DACH1: variants seen among roughly 807,000 people sequenced by gnomAD.
DACH1 encodes dachshund homolog 1.
DACH1 carries 12 observed loss-of-function variants against 54.2 expected under a neutral mutation model. That is an observed-to-expected ratio of 0.22 (90% confidence interval 0.14 to 0.36). DACH1 has a LOEUF of 0.36. Ranked by LOEUF, DACH1 falls within the 10% of genes least tolerant of loss-of-function variation. The pLI is 1.00. For missense variants in DACH1, 805 were observed against 929.8 expected (o/e 0.87, Z 1.75); for synonymous variants, 386 against 366.2 (o/e 1.05, Z -0.62).
chr13:71,507,298 A>G (rs73521219), intron 6 of DACH1, among the ~76,000 whole-genome samples: 2,190 of 152,236 alleles, frequency 0.014, 60 homozygotes, highest in African/African-American at 0.05. Context: ...TCTAAAATCT[A>G]TTCCCCAACT....
intron 7 of DACH1, among the ~76,000 whole-genome samples, chr13:71,480,958 T>TTC (rs1311452364): frequency 6.6e-6 from 1 of 151,612 alleles, no homozygotes; most frequent in Non-Finnish European, 1.5e-5. Context: ...TCCCCACTCT[T>TTC]TTGTTTAACA....
At chr13:71,456,654 A>T (rs191284402) in intron 10 of DACH1, among the ~76,000 whole-genome samples, 197 of 152,190 alleles carry the variant, frequency 1.3e-3, no homozygotes, top group African/African-American at 4.6e-3. Flanking sequence ...TGCTGATTTT[A>T]TCTTAAAATC....
intron 10 of DACH1, among the ~76,000 whole-genome samples, chr13:71,445,452 T>C (rs191640645): frequency 4.6e-5 from 7 of 152,292 alleles, no homozygotes; most frequent in Admixed American, 3.9e-4. Context: ...TTTTGGCTAA[T>C]GTTCCTAACA....
intron 1 of DACH1, among the ~76,000 whole-genome samples, chr13:71,745,141 C>G (rs981176528): frequency 1.1e-4 from 16 of 152,104 alleles, no homozygotes; most frequent in Non-Finnish European, 2.1e-4. Flanking sequence ...TGTTTTCATT[C>G]CTTTTTTTTG....
intron 6 of DACH1, among the ~76,000 whole-genome samples, chr13:71,518,303 G>C (rs1881312679): frequency 6.6e-6 from 1 of 151,680 alleles, no homozygotes; most frequent in Non-Finnish European, 1.5e-5. Context: ...TGAGGACACA[G>C]TCATCTGGAA....
chr13:71,804,297 G>A (rs138221887), intron 1 of DACH1, among the ~76,000 whole-genome samples: 2 of 152,032 alleles, frequency 1.3e-5, no homozygotes, highest in African/African-American at 4.8e-5. Context: ...TCGGCAACAG[G>A]GTGAGACCTT....
intron 3 of DACH1, among the ~76,000 whole-genome samples, chr13:71,577,207 T>A (rs1339932632): frequency 1.3e-5 from 2 of 152,094 alleles, no homozygotes; most frequent in Non-Finnish European, 2.9e-5. Context: ...TGCTCCCTTC[T>A]CCTCAGTTCT....
intron 3 of DACH1, among the ~76,000 whole-genome samples, chr13:71,579,383 A>G (rs906696755): frequency 2.0e-5 from 3 of 152,204 alleles, no homozygotes; most frequent in African/African-American, 7.2e-5. Context: ...CTTATTTTTA[A>G]ATTTTGGCTG....
intron 2 of DACH1, among the ~76,000 whole-genome samples, chr13:71,651,221 G>A (rs1053920929): frequency 2.6e-5 from 4 of 151,904 alleles, no homozygotes; most frequent in Non-Finnish European, 5.9e-5. Context: ...GTGCATGAGG[G>A]CAGGGCACGG....
chr13:71,581,155 T>C (rs1292275056), intron 3 of DACH1, among the ~76,000 whole-genome samples: 1 of 152,096 alleles, frequency 6.6e-6, no homozygotes, highest in Non-Finnish European at 1.5e-5. Flanking sequence ...TTACATCTGG[T>C]AAGTATCATT....
At position 71,622,343 on chromosome 13, in the gene DACH1, T is replaced by C. The variant is rs562848181; in HGVS notation, c.1126+8213A>G. ...ACTACAAACACCCTAGTAAAATCTC[T>C]AAACATATATTTTTAATATCAAGAC... is the stretch of plus-strand genomic sequence containing the variant. On this transcript the variant is annotated intron_variant, in intron 3 of 10. Transcript: ENST00000613252. 7.2e-5 allele frequency among the ~76,000 whole-genome samples: 11 copies of C among 152,076 alleles called. No homozygotes were observed. In the South Asian group the frequency reaches 2.3e-3, roughly 32 times the overall value.
At chr13:71,733,253 C>T (rs1883832078) in intron 1 of DACH1, among the ~76,000 whole-genome samples, 1 of 152,122 alleles carries the variant, frequency 6.6e-6, no homozygotes, top group African/African-American at 2.4e-5. Flanking sequence ...CCTCTGTCTC[C>T]CAGGCTCAGG....
chr13:71,818,443 A>G (rs1218829785), intron 1 of DACH1, among the ~76,000 whole-genome samples: 2 of 152,158 alleles, frequency 1.3e-5, no homozygotes, highest in Non-Finnish European at 2.9e-5. Flanking sequence ...TTTGGAGAAG[A>G]CAGTAAAGGA....
intron 3 of DACH1, among the ~76,000 whole-genome samples, chr13:71,594,510 C>A (rs1288559581): frequency 6.6e-6 from 1 of 151,996 alleles, no homozygotes; most frequent in Non-Finnish European, 1.5e-5. Flanking sequence ...ACAATGTAGA[C>A]CAGCCATAAA....
intron 6 of DACH1, among the ~76,000 whole-genome samples, chr13:71,502,860 C>A (rs1880031772): frequency 1.3e-5 from 2 of 152,202 alleles, no homozygotes; most frequent in Admixed American, 6.5e-5. Context: ...TGGGACTTCC[C>A]ATTGCACTTG....
intron 7 of DACH1, among the ~76,000 whole-genome samples, chr13:71,482,895 G>A (rs1405509413): frequency 6.6e-6 from 1 of 150,754 alleles, no homozygotes; most frequent in East Asian, 2.0e-4. Context: ...CTGCTTCCCA[G>A]GTTCAAGCGA....
intron 1 of DACH1, among the ~76,000 whole-genome samples, chr13:71,684,117 C>G (rs1457384998): frequency 2.6e-5 from 4 of 152,078 alleles, no homozygotes; most frequent in African/African-American, 9.7e-5. Context: ...ATCCCCACTC[C>G]TACCTTCCAG....
intron 3 of DACH1, among the ~76,000 whole-genome samples, chr13:71,579,072 C>T (rs1252014668): frequency 6.6e-6 from 1 of 152,070 alleles, no homozygotes; most frequent in East Asian, 1.9e-4. Context: ...CCCTGTGTTA[C>T]TGGAATGTCA....
At chr13:71,607,145 T>C (rs930853957) in intron 3 of DACH1, among the ~76,000 whole-genome samples, 3 of 152,014 alleles carry the variant, frequency 2.0e-5, no homozygotes, top group Non-Finnish European at 4.4e-5. Flanking sequence ...CATTACAGGA[T>C]ATAATTGCAC....
Sources: gnomAD v4.1 joint callset for allele counts (sites outside exome capture counted in the v4.1 genomes callset) on GRCh38, gnomAD v4.1.1 for gene constraint, MANE v1.5 for transcripts, NCBI Gene and HGNC (gene_info 2026-07-23, HGNC 2026-07-21) for gene names.